The following SPEF2 variants were observed in gnomAD, a reference collection of about 807,000 sequenced individuals.
SPEF2 encodes the protein sperm flagellar and cilia associated 2.
SPEF2 carries 187 observed loss-of-function variants against 224.6 expected under a neutral mutation model. That is an observed-to-expected ratio of 0.83 (90% CI 0.74 to 0.94). SPEF2 has a LOEUF of 0.94. SPEF2 is among the 40% of genes least tolerant of loss of function. The pLI is 0.00. For missense variants in SPEF2, 2,170 were observed against 2,135.6 expected, an observed-to-expected ratio of 1.02 and a Z score of -0.32; for synonymous variants, 715 against 707.3, an observed-to-expected ratio of 1.01 and a Z score of -0.17.
At chr5:35,667,649 A>T (rs1750670910) in intron 9 of SPEF2, among the ~76,000 whole-genome samples, 1 of 152,160 alleles carries the variant, frequency 6.6e-6, no homozygotes. Context: ...TAAAATTAAA[A>T]ATTTTTGCTC....
chr5:35,707,390 T>A (rs1739996214), intron 18 of SPEF2, among the ~76,000 whole-genome samples: 2 of 152,198 alleles, frequency 1.3e-5, no homozygotes. Context: ...TCTTAATTCT[T>A]GGATGTTTAA....
chr5:35,773,806 C>G (rs1055471501), intron 27 of SPEF2, 87 bp from the exon 28 acceptor site: 2 of 1,444,944 alleles, frequency 1.4e-6, no homozygotes, highest in Non-Finnish European at 1.8e-6. Context: ...GCTTAACAAA[C>G]TTTGCTTTGT....
chr5:35,624,636 T>A (rs377517127), intron 1 of SPEF2, among the ~76,000 whole-genome samples: 2 of 152,132 alleles, frequency 1.3e-5, no homozygotes, highest in East Asian at 3.9e-4. Flanking sequence ...TGGCTTCCTA[T>A]ATGTCTTCTT....
At chr5:35,701,972 C>T (rs186985689) in intron 16 of SPEF2, among the ~76,000 whole-genome samples, 2 of 152,130 alleles carry the variant, frequency 1.3e-5, no homozygotes. Flanking sequence ...GAGTGAGACC[C>T]TGTCTCCAAA....
chr5:35,680,416 A>G (rs575218482), intron 10 of SPEF2, among the ~76,000 whole-genome samples: 17 of 152,282 alleles, frequency 1.1e-4, no homozygotes, highest in African/African-American at 4.1e-4. Flanking sequence ...GGCCTAAGTC[A>G]TCTTTGTACT....
At chr5:35,691,608 T>C (rs1271941493) in intron 11 of SPEF2, among the ~76,000 whole-genome samples, 1 of 152,076 alleles carries the variant, frequency 6.6e-6, no homozygotes, top group Non-Finnish European at 1.5e-5. Context: ...GGTAGGGGAA[T>C]GAGGAGTGAC....
chr5:35,641,626 C>A lies in SPEF2; in HGVS notation c.357C>A (p.Thr119=). Residue 119 remains threonine, a synonymous_variant, in exon 3 of 37, where the codon ACC becomes ACA. Coordinates refer to ENST00000356031, the MANE Select transcript of SPEF2 (RefSeq NM_024867.4). The part of the protein sequence containing the change: ...KSGLTGVEMQ[T]MQRLTNLRLQ... Reference sequence around the variant, plus strand: ...GACTGACTGGAGTGGAGATGCAAACCATGCAACGTCTGACAAATTTAAGAC... The same window carrying A: ...GACTGACTGGAGTGGAGATGCAAACAATGCAACGTCTGACAAATTTAAGAC... 1 of 1,613,468 alleles carries A rather than the reference C, an allele frequency of 6.2e-7. No homozygotes were observed. Among genetic ancestry groups the A allele is most frequent in the Non-Finnish European group, 8.5e-7 (1 of 1,179,686 alleles).
chr5:35,787,430 G>A (rs924664229), intron 30 of SPEF2, among the ~76,000 whole-genome samples: 1 of 152,094 alleles, frequency 6.6e-6, no homozygotes, highest in South Asian at 2.1e-4. Context: ...TAAAAGCCAT[G>A]TCACTCTTAT....
At chr5:35,715,064 T>C (rs973330602) in intron 20 of SPEF2, among the ~76,000 whole-genome samples, 1 of 151,832 alleles carries the variant, frequency 6.6e-6, no homozygotes, top group Non-Finnish European at 1.5e-5. Context: ...AACAGGCATA[T>C]GCCACCACGC....
intron 34 of SPEF2, 37 bp from the exon 35 acceptor site, chr5:35,806,670 C>A (rs778939156): frequency 6.3e-7 from 1 of 1,577,406 alleles, no homozygotes; most frequent in South Asian, 1.2e-5. Flanking sequence ...GAAAAAACTT[C>A]AGTTTAACTT....
At chr5:35,699,866 G>A (rs1738240930) in intron 15 of SPEF2, 1 of 152,484 alleles carries the variant, frequency 6.6e-6, no homozygotes, top group African/African-American at 2.4e-5. Context: ...ACAAGTTATA[G>A]AGAAATAAAG....
chr5:35,802,608 T>C (rs1757570971), intron 34 of SPEF2, among the ~76,000 whole-genome samples: 1 of 152,128 alleles, frequency 6.6e-6, no homozygotes, highest in Non-Finnish European at 1.5e-5. Flanking sequence ...AAGCCCTCTC[T>C]GAGAAGAGAC....
At chr5:35,703,547 G>A (rs1739130981) in intron 16 of SPEF2, among the ~76,000 whole-genome samples, 1 of 151,990 alleles carries the variant, frequency 6.6e-6, no homozygotes, top group Non-Finnish European at 1.5e-5. Flanking sequence ...CATTGGCCAT[G>A]GTACAGAGTA....
chr5:35,629,151 C>CTTTTT lies in SPEF2; in HGVS notation c.161+611_161+615dup, dbSNP rs768077049. Among the ~76,000 whole-genome samples, 7 of 88,322 alleles carry CTTTTT rather than the reference C, an allele frequency of 7.9e-5. 2 individuals carry two copies. Among genetic ancestry groups the CTTTTT allele is most frequent in the African/African-American group, 3.0e-4 (5 of 16,850 alleles). 57.9% of individuals were successfully genotyped at this position (88,322 alleles called of 152,430 possible). A position where few individuals can be genotyped will look rare whatever the true frequency, so the allele number is the denominator to read the frequency against. On this transcript the variant is annotated intron_variant, in intron 2 of 36. Transcript: ENST00000356031. The stretch of plus-strand genomic sequence containing the variant: ...TTTCTGTTTTGTTAATCGATTGTTC[C>CTTTTT]TTTTTTTTTTTTTTTTTTTTTTTTT...
chr5:35,619,001 C>G (rs950041593), intron 1 of SPEF2, among the ~76,000 whole-genome samples: 2 of 152,148 alleles, frequency 1.3e-5, no homozygotes, highest in African/African-American at 4.8e-5. Context: ...CTTAGCTTAT[C>G]TACAGAAGTT....
chr5:35,620,600 G>C (rs568032501), intron 1 of SPEF2, among the ~76,000 whole-genome samples: 1 of 152,196 alleles, frequency 6.6e-6, no homozygotes, highest in Admixed American at 6.5e-5. Flanking sequence ...ATGAATTACA[G>C]GGGCAAAAAT....
chr5:35,691,903 G>A (rs1190204196), intron 11 of SPEF2, among the ~76,000 whole-genome samples: 7 of 152,000 alleles, frequency 4.6e-5, no homozygotes, highest in South Asian at 2.1e-4. Context: ...GGGTTCAAGC[G>A]ATTCTTCTGC....
Position 35,740,023 on chromosome 5 carries a change from G to A in SPEF2, c.3168G>A (p.Val1056=). The change falls in exon 22 of 37, where the codon GTG becomes GTA. Residue 1056 remains valine (V), a synonymous_variant. Transcript: ENST00000356031. ...ATCTGAGGGAAGACCAGCATACTGT[G>A]CTTGCTTACTTATATGAGATTAGGT... ...LRHLREDQHT[V]LAYLYEIRTS... 2 of 1,614,100 alleles carry A rather than the reference G, an allele frequency of 1.2e-6. No homozygotes were observed. Among genetic ancestry groups the A allele is most frequent in the Non-Finnish European group, 1.7e-6 (2 of 1,179,988 alleles).
intron 30 of SPEF2, among the ~76,000 whole-genome samples, chr5:35,786,496 A>G (rs1580730973): frequency 6.6e-6 from 1 of 151,746 alleles, no homozygotes; most frequent in Non-Finnish European, 1.5e-5. Context: ...CCCGTCTCTA[A>G]TAAAAATACA....
Sources: gnomAD v4.1 joint callset for allele counts (sites outside exome capture counted in the v4.1 genomes callset) on GRCh38, gnomAD v4.1.1 for gene constraint, MANE v1.5 for transcripts, NCBI Gene and HGNC (gene_info 2026-07-23, HGNC 2026-07-21) for gene names.